Variants in PPIG observed in about 807,000 individuals in gnomAD.
PPIG encodes peptidyl-prolyl cis-trans isomerase G.
PPIG carries 26 observed loss-of-function variants against 87.9 expected under a neutral mutation model. The observed-to-expected ratio is 0.30, with a 90% confidence interval of 0.22 to 0.41. The LOEUF is 0.41. Ranked by LOEUF, PPIG falls within the 10% of genes least tolerant of loss-of-function variation. PPIG has a pLI of 1.00. For missense variants in PPIG, 722 were observed against 879.4 expected (o/e 0.82, Z 2.26); for synonymous variants, 308 against 276.5 (o/e 1.11, Z -1.13).
At chr2:169,619,665 G>A (rs1175174075) in intron 9 of PPIG, among the ~76,000 whole-genome samples, 4 of 151,812 alleles carry the variant, frequency 2.6e-5, no homozygotes, top group Admixed American at 2.0e-4. Context: ...GACTTCATTC[G>A]GTTTTCTAAT....
In PPIG at chr2:169,637,691, A is replaced by T; in HGVS notation, c.*168A>T. On this transcript the variant is annotated 3_prime_UTR_variant, in exon 14 of 14. Transcript: ENST00000260970. ...TTGAGTTGATTTTTTGATAATCTGC[A>T]ATCTGGATAATTTGTACTGCTAAAG... The T allele has an allele frequency of 1.5e-6, 1 of 672,056 alleles. No individual in the cohort carries two copies. The highest frequency in any genetic ancestry group is 2.3e-6 in the Non-Finnish European group (1 of 430,378). 41.6% of individuals were successfully genotyped at this position (672,056 alleles called of 1,614,324 possible).
At chr2:169,634,169 T>C (rs1003469492) in intron 12 of PPIG, among the ~76,000 whole-genome samples, 12 of 152,160 alleles carry the variant, frequency 7.9e-5, no homozygotes, top group African/African-American at 2.9e-4. Context: ...CAAGCAATCC[T>C]CCCACCTCAC....
intron 9 of PPIG, among the ~76,000 whole-genome samples, chr2:169,628,776 C>T (rs1359173677): frequency 2.6e-5 from 4 of 151,602 alleles, no homozygotes; most frequent in Admixed American, 1.3e-4. Context: ...CTTGTCTCTA[C>T]AAAAATAAAA....
intron 10 of PPIG, 68 bp from the exon 11 acceptor site, chr2:169,631,698 C>G: frequency 6.2e-7 from 1 of 1,603,098 alleles, no homozygotes; most frequent in Non-Finnish European, 8.5e-7. Context: ...GAAATACCAA[C>G]AATTGGATAC....
chr2:169,597,035 TA>T (rs80050662), intron 1 of PPIG, among the ~76,000 whole-genome samples: 61,254 of 152,030 alleles, frequency 0.4, 12,975 homozygotes, highest in East Asian at 0.58. Flanking sequence ...TGTTGATAGA[TA>T]CTTAAGTTAC....
At position 169,636,488 on chromosome 2, in the gene PPIG, G is replaced by C. The variant is rs1271292270; in HGVS notation, c.1230G>C (p.Arg410Ser). Residue 410 changes from arginine to serine, a missense_variant, in exon 14 of 14, where the codon AGG (arginine) becomes AGC (serine). Arg to Ser is a moderately radical substitution (Grantham distance 110). This residue lies in a region of PPIG where 476 missense variants were observed against 483.1 expected (regional missense o/e 0.99). Coordinates refer to ENST00000260970, the MANE Select transcript of PPIG (RefSeq NM_004792.3). ...RVKERKITDH[R>S]NVSESPNRKN... ...AAGAGAGAAAAATAACAGATCACAG[G>C]AATGTATCTGAGAGTCCAAACAGAA... 1.9e-6 allele frequency: 3 copies of C among 1,598,138 alleles called. No homozygotes were observed. The highest frequency in any genetic ancestry group is 2.3e-5 in the South Asian group (2 of 86,842).
rs767608459 is a variant in PPIG, at chr2:169,637,372, T to C, written c.2114T>C (p.Met705Thr). 6.2e-7 allele frequency: 1 copy of C among 1,612,132 alleles called. No individual in the cohort carries two copies. Among genetic ancestry groups the C allele is most frequent in the Non-Finnish European group, 8.5e-7 (1 of 1,179,664 alleles). The change falls in exon 14 of 14, where the codon ATG (methionine) becomes ACG (threonine). Residue 705 changes from methionine (M) to threonine (T), a missense_variant. This residue lies in a region of PPIG where 476 missense variants were observed against 483.1 expected (regional missense o/e 0.99). Transcript: ENST00000260970. ...CAGGACAATGAATTAAAGTCCTCCA[T>C]GTTGAAAAATAAGGAGGATGAGAAG... ...SSQDNELKSS[M>T]LKNKEDEKIR...
intron 2 of PPIG, 86 bp downstream of exon 2, chr2:169,603,780 A>G (rs1685249427): frequency 2.1e-6 from 1 of 465,534 alleles, no homozygotes; most frequent in African/African-American, 1.9e-5. Context: ...GTTGATAAAT[A>G]GAAAGTTGAT....
chr2:169,636,949 A>G lies in PPIG; in HGVS notation c.1691A>G (p.Glu564Gly). The change falls in exon 14 of 14, where the codon GAA becomes GGA. Residue 564 changes from glutamate to glycine, a missense_variant. Physicochemically the swap from Glu to Gly is moderately conservative, Grantham distance 98. Transcript: ENST00000260970. The stretch of plus-strand genomic sequence containing the variant: ...CACAGTTATAATAGCAGAACAAGAG[A>G]ACGAAGCAGAAGTAGGGACAGAAGC... ...GKHSYNSRTR[E>G]RSRSRDRSRR... 1 of 1,614,042 alleles carries G rather than the reference A, an allele frequency of 6.2e-7. No homozygotes were observed.
rs1188152759 is a variant in PPIG, at chr2:169,631,770, T to C, written c.766T>C (p.Ser256Pro). The change falls in exon 11 of 14, where the codon TCT (serine) becomes CCT (proline). Residue 256 changes from serine (S) to proline (P), a missense_variant. Coordinates refer to ENST00000260970, the MANE Select transcript of PPIG (RefSeq NM_004792.3). ...TGTGTGTTTCTGTCTGTTAAGTGCA[T>C]CTAGTGAGAGTGAAGCTGAAAATCT... Reference protein sequence around the residue: ...KKRKKSKKSASSESEAENLEA... With the variant: ...KKRKKSKKSAPSESEAENLEA... The C allele has an allele frequency of 6.2e-7, 1 of 1,613,738 alleles. No homozygotes were observed. Among genetic ancestry groups the C allele is most frequent in the Non-Finnish European group, 8.5e-7 (1 of 1,179,864 alleles).
At chr2:169,611,443 TTAA>T (rs10532313) in intron 7 of PPIG, among the ~76,000 whole-genome samples, 61,117 of 151,804 alleles carry the variant, frequency 0.4, 12,897 homozygotes, top group East Asian at 0.58. Flanking sequence ...CTGTGCATTA[TTAA>T]TCTTATTTTG....
intron 1 of PPIG, among the ~76,000 whole-genome samples, chr2:169,599,496 A>G (rs985003968): frequency 1.3e-5 from 2 of 152,176 alleles, no homozygotes; most frequent in African/African-American, 2.4e-5. Flanking sequence ...TTTTATTTTA[A>G]ATGGTTGCCT....
chr2:169,598,481 C>A (rs749965203), intron 1 of PPIG, among the ~76,000 whole-genome samples: 1 of 151,942 alleles, frequency 6.6e-6, no homozygotes, highest in Non-Finnish European at 1.5e-5. Flanking sequence ...TTAGGGGAGA[C>A]GGGGTTTCAC....
rs145463848 is a variant in PPIG, at chr2:169,600,006, G to A, written c.-69-3636G>A. On this transcript the variant is annotated intron_variant, in intron 1 of 13. Coordinates refer to ENST00000260970, the MANE Select transcript of PPIG (RefSeq NM_004792.3). The stretch of plus-strand genomic sequence containing the variant: ...AAGCTGTTTCATATCCAGGGTTCAG[G>A]TAAATATTCGCAAGTACTTTTCTTA... Among the ~76,000 whole-genome samples, 26 of 151,934 alleles carry A rather than the reference G, an allele frequency of 1.7e-4. No homozygotes were observed. In the East Asian group the frequency reaches 5.0e-3, roughly 29 times the overall value.
At chr2:169,587,018 C>T (rs888153373) in intron 1 of PPIG, among the ~76,000 whole-genome samples, 17 of 152,104 alleles carry the variant, frequency 1.1e-4, no homozygotes, top group Admixed American at 5.2e-4. Context: ...ACTGCAACCT[C>T]CACCTCCTGA....
chr2:169,607,208 C>G, intron 6 of PPIG, 60 bp downstream of exon 6: 2 of 1,091,916 alleles, frequency 1.8e-6, no homozygotes, highest in Non-Finnish European at 2.7e-6. Context: ...CTATTTTATT[C>G]TCTATGGAAT....
At position 169,638,328 on chromosome 2, in the gene PPIG, C is replaced by T; in HGVS notation, c.*805C>T. 1 of 144,254 alleles carries T rather than the reference C, an allele frequency of 6.9e-6. No individual in the cohort carries two copies. The allele number at this position is 144,254 out of a possible 1,614,324, so 8.9% of individuals were successfully genotyped here. A position where few individuals can be genotyped will look rare whatever the true frequency, so the allele number is the denominator to read the frequency against. ...GGGAACGTTTTAATTATTAATTACC[C>T]TTCTCTAAACTTTAAAAAAAAAAAA... On this transcript the variant is annotated 3_prime_UTR_variant, in exon 14 of 14. Coordinates refer to ENST00000260970, the MANE Select transcript of PPIG (RefSeq NM_004792.3).
chr2:169,584,786 T>A, intron 1 of PPIG: 5 of 297,156 alleles, frequency 1.7e-5, no homozygotes, highest in South Asian at 1.4e-4. Flanking sequence ...CCTCCCTCAC[T>A]GACGCATTTT....
At chr2:169,596,715 T>C (rs553025725) in intron 1 of PPIG, among the ~76,000 whole-genome samples, 2 of 152,250 alleles carry the variant, frequency 1.3e-5, no homozygotes, top group African/African-American at 4.8e-5. Flanking sequence ...CATTTTTTTT[T>C]CTGAGACGGA....
Sources: gnomAD v4.1 joint callset for allele counts (sites outside exome capture counted in the v4.1 genomes callset) on GRCh38, gnomAD v4.1.1 for gene constraint, gnomAD v4.1.1 regional missense constraint, MANE v1.5 for transcripts, NCBI Gene and HGNC (gene_info 2026-07-23, HGNC 2026-07-21) for gene names.